SH3PXD2A: variants seen among roughly 807,000 people sequenced by gnomAD.
SH3PXD2A encodes SH3 and PX domains 2A.
Under a neutral mutation model 115.2 loss-of-function variants are expected in SH3PXD2A, and 32 were observed. The observed-to-expected ratio is 0.28, with a 90% CI of 0.21 to 0.37. The LOEUF (loss-of-function observed/expected upper bound fraction) is 0.37. SH3PXD2A is among the 10% of genes least tolerant of loss of function. SH3PXD2A has a pLI of 1.00. For synonymous variants in SH3PXD2A, 610 were observed against 629.1 expected (o/e 0.97, Z 0.45); for missense variants, 1,328 against 1,498.7 (o/e 0.89, Z 1.88).
At chr10:103,743,132 G>A (rs1205797670) in intron 3 of SH3PXD2A, among the ~76,000 whole-genome samples, 1 of 152,174 alleles carries the variant, frequency 6.6e-6, no homozygotes, top group Non-Finnish European at 1.5e-5. Flanking sequence ...CCCTCACCAG[G>A]CGCCTCCATC....
chr10:103,615,299 G>A (rs2036494364), intron 11 of SH3PXD2A, among the ~76,000 whole-genome samples: 1 of 152,236 alleles, frequency 6.6e-6, no homozygotes, highest in Non-Finnish European at 1.5e-5. Flanking sequence ...GGCCCCGAGT[G>A]CTGTATTTGT....
intron 9 of SH3PXD2A, among the ~76,000 whole-genome samples, chr10:103,625,109 G>T (rs939214909): frequency 2.0e-5 from 3 of 152,166 alleles, no homozygotes; most frequent in Admixed American, 6.5e-5. Flanking sequence ...CCTCCATCAA[G>T]GTCAAAATCC....
At chr10:103,649,647 T>G (rs2037088655) in intron 8 of SH3PXD2A, among the ~76,000 whole-genome samples, 3 of 152,370 alleles carry the variant, frequency 2.0e-5, no homozygotes, top group Admixed American at 6.5e-5. Context: ...CTTGTATCCT[T>G]GCCAACCTGT....
intron 6 of SH3PXD2A, chr10:103,678,031 C>T: frequency 1.0e-6 from 1 of 972,190 alleles, no homozygotes. Context: ...AGGGCGTTGG[C>T]TCCCAGCATC....
At chr10:103,626,425 C>G (rs901118064) in intron 9 of SH3PXD2A, among the ~76,000 whole-genome samples, 1 of 152,114 alleles carries the variant, frequency 6.6e-6, no homozygotes, top group Non-Finnish European at 1.5e-5. Context: ...CCATTAGGAG[C>G]AGGCAGCCAA....
At position 103,602,805 on chromosome 10, in the gene SH3PXD2A, G is replaced by T. The variant is rs772204272; in HGVS notation, c.2413C>A (p.Gln805Lys). 3 of 1,614,182 alleles carry T rather than the reference G, an allele frequency of 1.9e-6. No homozygotes were observed. In the African/African-American group the frequency reaches 4.0e-5, roughly 22 times the overall value. ...TCACTGGGAGCCTCGGAGGCCGTCT[G>T]CGGGGGCAGCTCCGAATCCTCACTC... is the stretch of plus-strand genomic sequence containing the variant. Reference protein sequence around the residue: ...SKSEDSELPPQTASEAPSEGS... With the variant: ...SKSEDSELPPKTASEAPSEGS... Residue 805 changes from glutamine to lysine, a missense_variant, in exon 15 of 15, where the codon CAG becomes AAG. Gln to Lys is a moderately conservative substitution (Grantham distance 53). This residue lies in a region of SH3PXD2A where 574 missense variants were observed against 565.7 expected (regional missense o/e 1.01). Coordinates refer to ENST00000369774, the MANE Select transcript of SH3PXD2A (RefSeq NM_001394015.1).
At position 103,693,010 on chromosome 10, in the gene SH3PXD2A, GC is replaced by G; in HGVS notation, c.427+17del. The G allele has an allele frequency of 6.2e-7, 1 of 1,601,706 alleles. No homozygotes were observed. The highest frequency in any genetic ancestry group is 8.5e-7 in the Non-Finnish European group (1 of 1,171,762). ...CGGGAAGGAAGGCTGAAGGGAAAAC[GC>G]CCGGAGGCTCCCTTACCTGATTTCC... On this transcript the variant is annotated intron_variant, in intron 6 of 14. Coordinates refer to ENST00000369774, the MANE Select transcript of SH3PXD2A (RefSeq NM_001394015.1).
intron 2 of SH3PXD2A, among the ~76,000 whole-genome samples, chr10:103,781,672 C>A (rs951125287): frequency 6.6e-6 from 1 of 152,204 alleles, no homozygotes; most frequent in Non-Finnish European, 1.5e-5. Context: ...CCCTGCATGA[C>A]TCAACTATTG....
At chr10:103,693,187 G>C in intron 5 of SH3PXD2A, 131 bp from the exon 6 acceptor site, 1 of 426,836 alleles carries the variant, frequency 2.3e-6, no homozygotes, top group African/African-American at 2.1e-5. Context: ...CCCACGGCCG[G>C]CTAGCCGCGC....
intron 5 of SH3PXD2A, among the ~76,000 whole-genome samples, chr10:103,706,812 A>G (rs2037986346): frequency 1.3e-5 from 2 of 151,862 alleles, no homozygotes; most frequent in Non-Finnish European, 2.9e-5. Flanking sequence ...TTCCCCCCCG[A>G]GTAGAGCTCA....
intron 4 of SH3PXD2A, among the ~76,000 whole-genome samples, chr10:103,734,236 A>G (rs2038355095): frequency 6.6e-6 from 1 of 152,188 alleles, no homozygotes; most frequent in South Asian, 2.1e-4. Context: ...TTGCCACATT[A>G]TAACACATTA....
intron 3 of SH3PXD2A, among the ~76,000 whole-genome samples, chr10:103,742,954 C>A (rs567888205): frequency 1.3e-5 from 2 of 151,590 alleles, no homozygotes; most frequent in East Asian, 1.9e-4. Flanking sequence ...TCCCTCCCCC[C>A]CTCAAGGGTG....
In SH3PXD2A at chr10:103,603,911, C is replaced by T. The variant is rs144956207; in HGVS notation, c.1429-122G>A. 104 of 1,153,412 alleles carry T rather than the reference C, an allele frequency of 9.0e-5. 2 individuals carry two copies. In the East Asian group the frequency reaches 2.4e-3, roughly 27 times the overall value. 71.4% of individuals were successfully genotyped at this position (1,153,412 alleles called of 1,614,324 possible). ...TATCTCCATTTTACAGATAATAAAC[C>T]GAGCCACTGAGTAAGTGGCCCAAAA... On this transcript the variant is annotated intron_variant, in intron 14 of 14. Transcript: ENST00000369774.
At chr10:103,819,480 G>A (rs1466129425) in intron 1 of SH3PXD2A, among the ~76,000 whole-genome samples, 1 of 152,154 alleles carries the variant, frequency 6.6e-6, no homozygotes, top group Non-Finnish European at 1.5e-5. Context: ...GGGCCAGCTG[G>A]GGTGACTGGA....
chr10:103,608,253 GGAGA>G (rs1203316890), intron 13 of SH3PXD2A, among the ~76,000 whole-genome samples: 1 of 149,414 alleles, frequency 6.7e-6, no homozygotes, highest in Admixed American at 6.6e-5. Flanking sequence ...CCGGAAGCCG[GGAGA>G]GAGGCGGGGA....
chr10:103,779,562 C>A (rs972184873), intron 2 of SH3PXD2A, among the ~76,000 whole-genome samples: 3 of 152,096 alleles, frequency 2.0e-5, no homozygotes, highest in African/African-American at 7.2e-5. Flanking sequence ...CTCCTCCAGG[C>A]AATAGGGAGC....
At chr10:103,702,596 C>CATGTGTGTGTGTGTGTGTGTGTGTGT (rs72182362) in intron 5 of SH3PXD2A, among the ~76,000 whole-genome samples, 13 of 147,448 alleles carry the variant, frequency 8.8e-5, no homozygotes, top group African/African-American at 3.3e-4. Flanking sequence ...TGTGTGTGTG[C>CATGTGTGTGTGTGTGTGTGTGTGTGT]GTGTGTGTGT....
At chr10:103,776,395 C>CA (rs11384789) in intron 2 of SH3PXD2A, among the ~76,000 whole-genome samples, 14,320 of 88,184 alleles carry the variant, frequency 0.16, 1,228 homozygotes, top group African/African-American at 0.22. Context: ...ACCACTGTCT[C>CA]AAAAAAAAAA....
chr10:103,737,391 C>T (rs1230792256), intron 3 of SH3PXD2A, among the ~76,000 whole-genome samples: 6 of 152,168 alleles, frequency 3.9e-5, no homozygotes, highest in Admixed American at 6.5e-5. Context: ...TGTCAAGGTC[C>T]GAGTGAAGTA....
Sources: allele counts gnomAD v4.1 joint callset (sites outside exome capture counted in the v4.1 genomes callset), GRCh38; gene constraint gnomAD v4.1.1; regional missense constraint gnomAD v4.1.1; transcripts MANE v1.5; gene names NCBI Gene and HGNC (gene_info 2026-07-23, HGNC 2026-07-21).